GUCY2C: variants seen among roughly 807,000 people sequenced by gnomAD.
The protein encoded by GUCY2C is guanylate cyclase 2C, also known as guanylyl cyclase C.
A neutral mutation model predicts 131.1 loss-of-function variants in GUCY2C; 118 were observed. That is an observed-to-expected ratio of 0.90 (90% confidence interval 0.78 to 1.05). GUCY2C has a LOEUF of 1.05. GUCY2C is among the 50% of genes least tolerant of loss of function. The pLI is 0.00. For missense variants in GUCY2C, 1,161 were observed against 1,304.4 expected (o/e 0.89, Z 1.69); for synonymous variants, 452 against 457.8 (o/e 0.99, Z 0.16).
chr12:14,663,391 C>A (rs1450576276), intron 10 of GUCY2C, among the ~76,000 whole-genome samples: 1 of 152,236 alleles, frequency 6.6e-6, no homozygotes, highest in African/African-American at 2.4e-5. Context: ...CAAAGATTCT[C>A]CTGCCTCAGC....
intron 10 of GUCY2C, among the ~76,000 whole-genome samples, chr12:14,664,770 A>C (rs1427256331): frequency 6.6e-6 from 1 of 152,202 alleles, no homozygotes; most frequent in Non-Finnish European, 1.5e-5. Context: ...AGAAAAGAGA[A>C]ATAAATTGAC....
chr12:14,694,322 C>T (rs976277871), intron 1 of GUCY2C, among the ~76,000 whole-genome samples: 4 of 152,160 alleles, frequency 2.6e-5, no homozygotes, highest in Non-Finnish European at 4.4e-5. Context: ...AAGAGTGACC[C>T]GCAAACAGAC....
chr12:14,668,768 C>T (rs1948037823), intron 10 of GUCY2C, among the ~76,000 whole-genome samples: 2 of 152,044 alleles, frequency 1.3e-5, no homozygotes, highest in African/African-American at 2.4e-5. Context: ...GACAGATTGT[C>T]CTGAGGCCTC....
chr12:14,661,499 C>T (rs759303616), intron 10 of GUCY2C, among the ~76,000 whole-genome samples: 7 of 151,842 alleles, frequency 4.6e-5, no homozygotes, highest in Non-Finnish European at 7.4e-5. Context: ...AGTGCAGTGG[C>T]GCAGTCTTGG....
intron 7 of GUCY2C, 111 bp from the exon 8 acceptor site, chr12:14,674,871 A>G: frequency 1.3e-6 from 1 of 789,214 alleles, no homozygotes; most frequent in Non-Finnish European, 2.0e-6. Context: ...TTAAAGGGAT[A>G]TCAGGGGAAT....
chr12:14,620,415 C>T (rs181616958), intron 23 of GUCY2C, among the ~76,000 whole-genome samples: 1 of 152,256 alleles, frequency 6.6e-6, no homozygotes, highest in African/African-American at 2.4e-5. Flanking sequence ...GCCCACCTTG[C>T]CCATTGAAGC....
At chr12:14,627,751 T>G (rs1421312374) in intron 20 of GUCY2C, among the ~76,000 whole-genome samples, 2 of 152,008 alleles carry the variant, frequency 1.3e-5, no homozygotes, top group East Asian at 3.9e-4. Context: ...TAAAGTCTCA[T>G]CCGGACAGGA....
chr12:14,622,814 A>T (rs1391429563), intron 21 of GUCY2C, among the ~76,000 whole-genome samples: 1 of 152,242 alleles, frequency 6.6e-6, no homozygotes, highest in Non-Finnish European at 1.5e-5. Context: ...AAATCATGCT[A>T]AAACTGTAGA....
intron 2 of GUCY2C, among the ~76,000 whole-genome samples, chr12:14,686,673 G>T (rs1459208474): frequency 2.0e-5 from 3 of 152,182 alleles, no homozygotes; most frequent in African/African-American, 4.8e-5. Flanking sequence ...GGTGATTATT[G>T]ATCTTATTTT....
At chr12:14,639,758 A>G (rs933939567) in intron 19 of GUCY2C, 104 bp downstream of exon 19, 2 of 731,566 alleles carry the variant, frequency 2.7e-6, no homozygotes, top group Non-Finnish European at 4.8e-6. Flanking sequence ...TCAGACTTCT[A>G]GTCTCCAGAA....
chr12:14,621,248 C>A (rs768583736), intron 22 of GUCY2C, 32 bp from the exon 23 acceptor site: 10 of 1,575,024 alleles, frequency 6.3e-6, no homozygotes, highest in Admixed American at 1.7e-5. Context: ...AGTGCCTCTG[C>A]CCCTTTGAAA....
intron 24 of GUCY2C, among the ~76,000 whole-genome samples, chr12:14,618,557 T>G (rs1946820098): frequency 6.6e-6 from 1 of 152,034 alleles, no homozygotes; most frequent in African/African-American, 2.4e-5. Context: ...CGAATATGCT[T>G]TGGGAGGCCA....
chr12:14,628,116 A>T (rs566267341), intron 20 of GUCY2C, among the ~76,000 whole-genome samples: 2 of 152,292 alleles, frequency 1.3e-5, no homozygotes, highest in South Asian at 2.1e-4. Flanking sequence ...TATTTTTCTC[A>T]TTCTGCAGTG....
chr12:14,675,449 T>A (rs1470772650), intron 7 of GUCY2C, among the ~76,000 whole-genome samples: 1 of 151,982 alleles, frequency 6.6e-6, no homozygotes, highest in Non-Finnish European at 1.5e-5. Flanking sequence ...GAAATAATGT[T>A]AGTTTCTAGT....
At chr12:14,666,832 A>G (rs192451892) in intron 10 of GUCY2C, among the ~76,000 whole-genome samples, 14 of 152,248 alleles carry the variant, frequency 9.2e-5, no homozygotes, top group Admixed American at 9.2e-4. Context: ...TTTAACTCCT[A>G]TATTATTGCT....
intron 1 of GUCY2C, among the ~76,000 whole-genome samples, chr12:14,695,997 C>G (rs185055327): frequency 6.6e-6 from 1 of 152,116 alleles, no homozygotes; most frequent in East Asian, 1.9e-4. Context: ...GCCGTGAACA[C>G]TTTACATTTC....
At chr12:14,682,240 A>G (rs1212551712) in intron 4 of GUCY2C, among the ~76,000 whole-genome samples, 2 of 152,162 alleles carry the variant, frequency 1.3e-5, no homozygotes, top group African/African-American at 2.4e-5. Context: ...CATAATCCCA[A>G]TAATCCCCAC....
chr12:14,635,858 A>T (rs773337824), intron 19 of GUCY2C, among the ~76,000 whole-genome samples: 12 of 152,156 alleles, frequency 7.9e-5, no homozygotes, highest in Non-Finnish European at 1.8e-4. Context: ...AATATAGAGG[A>T]AGTGGAGAAA....
intron 8 of GUCY2C, among the ~76,000 whole-genome samples, chr12:14,673,327 G>T (rs907243251): frequency 6.6e-6 from 1 of 152,090 alleles, no homozygotes; most frequent in Non-Finnish European, 1.5e-5. Flanking sequence ...AACATAGATT[G>T]TAGGAAGATC....
Sources: gnomAD v4.1 joint callset for allele counts (sites outside exome capture counted in the v4.1 genomes callset) on GRCh38, gnomAD v4.1.1 for gene constraint, MANE v1.5 for transcripts, NCBI Gene and HGNC (gene_info 2026-07-23, HGNC 2026-07-21) for gene names.